The following STARD13 variants were observed in gnomAD, a reference collection of about 807,000 sequenced individuals.
STARD13 encodes stAR-related lipid transfer protein 13.
In STARD13, 62 loss-of-function variants were observed where a neutral mutation model predicts 106.4. That is an observed-to-expected ratio of 0.58 (90% CI 0.48 to 0.72). The LOEUF is 0.72. Ranked by LOEUF, STARD13 falls within the 30% of genes least tolerant of loss-of-function variation. The pLI, the probability that STARD13 is intolerant of heterozygous loss-of-function variation, is 0.00. For missense variants in STARD13, 1,387 were observed against 1,424.0 expected (o/e 0.97, Z 0.42); for synonymous variants, 565 against 553.0 (o/e 1.02, Z -0.31).
chr13:33,400,524 C>G, the STARD13 span, among the ~76,000 whole-genome samples: 1 of 151,414 alleles, frequency 6.6e-6, no homozygotes, highest in Non-Finnish European at 1.5e-5. Context: ...TGTAGTGGCA[C>G]AATCTCAGCT....
rs75399012 is a variant in STARD13, at chr13:33,312,137, T to C, written c.124+38153A>G. Among the ~76,000 whole-genome samples, 1,083 of 152,346 alleles carry C rather than the reference T, an allele frequency of 7.1e-3. 9 individuals are homozygous for C. The highest frequency in any genetic ancestry group is 0.025 in the African/African-American group (1,044 of 41,568). On this transcript the variant is annotated intron_variant, in intron 1 of 5. Coordinates refer to the STARD13 transcript ENST00000567873. ...AATATACATAAAAGCTGCAGTAACA[T>C]GTAATCAACAAACATTTTTACTGTT...
chr13:33,448,233 A>T, the STARD13 span, among the ~76,000 whole-genome samples: 17 of 152,004 alleles, frequency 1.1e-4, no homozygotes, highest in Non-Finnish European at 2.4e-4. Context: ...TTGAAATATG[A>T]TACATTATTG....
At chr13:33,249,055 C>A (rs1266652465) in intron 1 of STARD13, among the ~76,000 whole-genome samples, 1 of 152,154 alleles carries the variant, frequency 6.6e-6, no homozygotes, top group Non-Finnish European at 1.5e-5. Context: ...TAAAGGCAGC[C>A]ATTGCAAATG....
At position 33,167,642 on chromosome 13, in the gene STARD13, T is replaced by G. The variant is rs1255442024; in HGVS notation, c.170-20A>C. 3.1e-6 allele frequency: 5 copies of G among 1,612,346 alleles called. No individual in the cohort carries two copies. Among genetic ancestry groups the G allele is most frequent in the East Asian group, 4.5e-5 (2 of 44,874 alleles). ...CAATTTCTGAAAAACACAAGAGAGA[T>G]AAAATTGTGAGTCCCACAGCCGCAC... On this transcript the variant is annotated intron_variant, in intron 1 of 13. Coordinates refer to ENST00000336934, the MANE Select transcript of STARD13 (RefSeq NM_178006.4).
chr13:33,421,404 G>A, the STARD13 span, among the ~76,000 whole-genome samples: 3 of 152,026 alleles, frequency 2.0e-5, no homozygotes, highest in African/African-American at 7.2e-5. Flanking sequence ...AGGAAGAAGT[G>A]GAATATCTGA....
chr13:33,551,566 TCCC>T, the STARD13 span, among the ~76,000 whole-genome samples: 2 of 32,766 alleles, frequency 6.1e-5, no homozygotes, highest in Admixed American at 2.5e-4. Context: ...CTTTTGCTTT[TCCC>T]TTTTTTTTTT....
chr13:33,263,576 G>C (rs777823276), intron 1 of STARD13, among the ~76,000 whole-genome samples: 1 of 152,164 alleles, frequency 6.6e-6, no homozygotes, highest in Non-Finnish European at 1.5e-5. Flanking sequence ...GTTTCACGGG[G>C]TTTGTAGGGG....
chr13:33,126,532 C>T (rs1332893202), intron 6 of STARD13, among the ~76,000 whole-genome samples: 1 of 152,120 alleles, frequency 6.6e-6, no homozygotes, highest in Non-Finnish European at 1.5e-5. Flanking sequence ...AGACTTATTT[C>T]TCAAGTGCTG....
chr13:33,482,272 C>G, the STARD13 span, among the ~76,000 whole-genome samples: 1 of 152,104 alleles, frequency 6.6e-6, no homozygotes, highest in Non-Finnish European at 1.5e-5. Context: ...CGTGAGGGTT[C>G]ATGGCTACTC....
At chr13:33,459,689 T>C in the STARD13 span, among the ~76,000 whole-genome samples, 2 of 152,236 alleles carry the variant, frequency 1.3e-5, no homozygotes, top group Non-Finnish European at 1.5e-5. Flanking sequence ...GCTTCCATAT[T>C]GTGCTATGTT....
chr13:33,160,418 A>T (rs932617173), intron 3 of STARD13, among the ~76,000 whole-genome samples: 1 of 152,204 alleles, frequency 6.6e-6, no homozygotes, highest in Non-Finnish European at 1.5e-5. Context: ...CATTAAAAGC[A>T]TAAATAAAAA....
At chr13:33,185,879 C>G (rs1566059700) in intron 1 of STARD13, 1 of 1,614,056 alleles carries the variant, frequency 6.2e-7, no homozygotes, top group Non-Finnish European at 8.5e-7. Flanking sequence ...AGCACTTACC[C>G]CGGCGCTGGA....
the STARD13 span, among the ~76,000 whole-genome samples, chr13:33,627,636 C>CA: frequency 0.029 from 3,195 of 110,002 alleles, 110 homozygotes; most frequent in African/African-American, 0.084. Context: ...GACTCCATCT[C>CA]AAAAAAAAAA....
At chr13:33,497,467 G>T in the STARD13 span, among the ~76,000 whole-genome samples, 2 of 152,188 alleles carry the variant, frequency 1.3e-5, no homozygotes, top group Middle Eastern at 3.4e-3. Flanking sequence ...GGTTTTCCAA[G>T]ATCATAAAAA....
chr13:33,307,603 G>A (rs1430913461), intron 1 of STARD13, among the ~76,000 whole-genome samples: 3 of 152,108 alleles, frequency 2.0e-5, no homozygotes, highest in African/African-American at 4.8e-5. Context: ...GTGGGAGCTG[G>A]ACAATGAGAA....
chr13:33,666,204 C>A, the STARD13 span, among the ~76,000 whole-genome samples: 2 of 152,180 alleles, frequency 1.3e-5, no homozygotes, highest in African/African-American at 4.8e-5. Context: ...TCTCTGAATT[C>A]ATTTTGCATT....
At chr13:33,235,803 C>A (rs901261511) in intron 1 of STARD13, among the ~76,000 whole-genome samples, 1 of 152,232 alleles carries the variant, frequency 6.6e-6, no homozygotes, top group South Asian at 2.1e-4. Context: ...GTGATCTGTG[C>A]TTTGGCCAGG....
chr13:33,416,024 T>G, the STARD13 span, among the ~76,000 whole-genome samples: 1 of 152,248 alleles, frequency 6.6e-6, no homozygotes, highest in Non-Finnish European at 1.5e-5. Flanking sequence ...GTTGCAGTTT[T>G]CATTTGTATT....
the STARD13 span, among the ~76,000 whole-genome samples, chr13:33,471,115 G>A: frequency 2.0e-5 from 3 of 152,220 alleles, no homozygotes; most frequent in Admixed American, 1.3e-4. Context: ...GTGTAAGGAA[G>A]GGATCCAGTT....
Sources: gnomAD v4.1 joint callset for allele counts (sites outside exome capture counted in the v4.1 genomes callset) on GRCh38, gnomAD v4.1.1 for gene constraint, MANE v1.5 for transcripts, NCBI Gene and HGNC (gene_info 2026-07-23, HGNC 2026-07-21) for gene names.